Variants in FAF1 observed in about 807,000 individuals in gnomAD.
The protein encoded by FAF1 is Fas associated factor 1, also known as FAS-associated factor 1.
FAF1 carries 25 observed loss-of-function variants against 92.5 expected under a neutral mutation model. The ratio of observed to expected loss-of-function variants is 0.27; its 90% CI spans 0.20 to 0.38. The LOEUF (loss-of-function observed/expected upper bound fraction) is 0.38, where lower values mean the gene tolerates loss of function less well. Among genes scored for constraint, FAF1 ranks in the 10% least tolerant of loss-of-function variants. The probability of loss-of-function intolerance (pLI) is 1.00; values close to 1 mark genes in which losing one functional copy is unlikely to be tolerated. For missense variants in FAF1, 636 were observed against 793.3 expected (o/e 0.80, Z 2.38); for synonymous variants, 234 against 273.2 (o/e 0.86, Z 1.42).
At chr1:50,859,287 A>G (rs1644413879) in intron 1 of FAF1, among the ~76,000 whole-genome samples, 2 of 151,862 alleles carry the variant, frequency 1.3e-5, no homozygotes, top group South Asian at 4.1e-4. Flanking sequence ...AGAAAGAAAT[A>G]AAAGGCATCT....
rs775435416 is a variant in FAF1 at position 50,437,143 on chromosome 1, G to A, written c.*4297C>T. 9.2e-5 allele frequency: 14 copies of A among 152,198 alleles called. No homozygotes were observed. Among genetic ancestry groups the A allele is most frequent in the Non-Finnish European group, 1.9e-4 (13 of 68,034 alleles). 9.4% of individuals were successfully genotyped at this position (152,198 alleles called of 1,614,324 possible). A position where few individuals can be genotyped will look rare whatever the true frequency, so the allele number is the denominator to read the frequency against. On this transcript the variant is annotated 3_prime_UTR_variant, in exon 19 of 19. Coordinates refer to ENST00000396153, the MANE Select transcript of FAF1 (RefSeq NM_007051.3). ...TGTCACCTTCCAAAGCAGATTATTT[G>A]AGACAAGGACAAAATACTAAATGCA...
chr1:50,714,296 C>T (rs1026114818), intron 6 of FAF1, among the ~76,000 whole-genome samples: 8 of 147,544 alleles, frequency 5.4e-5, no homozygotes, highest in Non-Finnish European at 9.0e-5. Flanking sequence ...TGAGGTCAGA[C>T]GTTCAAAACC....
chr1:50,795,556 G>A (rs1444835140), intron 3 of FAF1, among the ~76,000 whole-genome samples: 2 of 152,126 alleles, frequency 1.3e-5, no homozygotes, highest in Non-Finnish European at 2.9e-5. Context: ...AAAGCTTGGG[G>A]GTCCTCCTTA....
chr1:50,817,935 G>A lies in FAF1; in HGVS notation c.115-16258C>T, dbSNP rs574543895. On this transcript the variant is annotated intron_variant, in intron 2 of 18. Coordinates refer to ENST00000396153, the MANE Select transcript of FAF1 (RefSeq NM_007051.3). Reference sequence around the variant, plus strand: ...CATATTCTGCAATAATAAAAGGCTCGAAAAAGGTAAATACTATATGATTCC... The same window carrying A: ...CATATTCTGCAATAATAAAAGGCTCAAAAAAGGTAAATACTATATGATTCC... Among the ~76,000 whole-genome samples, 26 of 151,998 alleles carry A rather than the reference G, an allele frequency of 1.7e-4. No individual in the cohort carries two copies. In the South Asian group the frequency reaches 2.1e-3, roughly 12 times the overall value.
intron 18 of FAF1, chr1:50,451,822 T>C (rs1478490102): frequency 2.0e-6 from 2 of 992,354 alleles, no homozygotes; most frequent in Non-Finnish European, 2.4e-6. Flanking sequence ...ATGGCAAATC[T>C]GGATTCTTCA....
At chr1:50,568,105 G>A (rs1650253768) in intron 12 of FAF1, among the ~76,000 whole-genome samples, 1 of 152,060 alleles carries the variant, frequency 6.6e-6, no homozygotes, top group Non-Finnish European at 1.5e-5. Flanking sequence ...TACCAACAAT[G>A]ACTATAATGA....
At chr1:50,919,588 A>G (rs1644946800) in intron 1 of FAF1, among the ~76,000 whole-genome samples, 1 of 151,800 alleles carries the variant, frequency 6.6e-6, no homozygotes, top group Non-Finnish European at 1.5e-5. Flanking sequence ...CCCGGGTTCA[A>G]GCGATTCTCC....
intron 8 of FAF1, among the ~76,000 whole-genome samples, chr1:50,653,584 G>A (rs550493815): frequency 1.3e-5 from 2 of 152,156 alleles, no homozygotes; most frequent in East Asian, 1.9e-4. Flanking sequence ...TCCTGACCTC[G>A]GCCAGGCACG....
intron 2 of FAF1, among the ~76,000 whole-genome samples, chr1:50,839,341 G>A (rs183401873): frequency 2.9e-4 from 44 of 152,110 alleles, no homozygotes; most frequent in Admixed American, 1.0e-3. Flanking sequence ...ACATACTCCC[G>A]CTAAAAATTC....
intron 17 of FAF1, among the ~76,000 whole-genome samples, chr1:50,476,456 A>T (rs1030121642): frequency 3.3e-5 from 5 of 152,196 alleles, no homozygotes; most frequent in African/African-American, 1.2e-4. Flanking sequence ...TAAGCAGGTG[A>T]AGCAAACTGT....
intron 6 of FAF1, among the ~76,000 whole-genome samples, chr1:50,720,391 T>TTA (rs1269365080): frequency 6.6e-6 from 1 of 152,230 alleles, no homozygotes; most frequent in Non-Finnish European, 1.5e-5. Context: ...AATCACAATG[T>TTA]ACTTGAAATA....
chr1:50,832,773 G>A (rs1364896348), intron 2 of FAF1, among the ~76,000 whole-genome samples: 20 of 151,910 alleles, frequency 1.3e-4, no homozygotes, highest in Admixed American at 1.3e-3. Flanking sequence ...TCCCCATGTG[G>A]GAAAATAACA....
At chr1:50,711,463 C>CT (rs1160668174) in intron 6 of FAF1, among the ~76,000 whole-genome samples, 3,071 of 81,940 alleles carry the variant, frequency 0.037, 152 homozygotes, top group Non-Finnish European at 0.047. Flanking sequence ...TCCACACTGA[C>CT]TTTTTTTTTT....
At chr1:50,551,945 T>A (rs1649326673) in intron 13 of FAF1, among the ~76,000 whole-genome samples, 3 of 152,206 alleles carry the variant, frequency 2.0e-5, no homozygotes, top group African/African-American at 4.8e-5. Flanking sequence ...AAATCAATCA[T>A]CCCATTTAGT....
chr1:50,576,908 C>A (rs1650772920), intron 12 of FAF1, among the ~76,000 whole-genome samples: 2 of 150,942 alleles, frequency 1.3e-5, no homozygotes, highest in Admixed American at 6.6e-5. Flanking sequence ...ATCAAACGAT[C>A]CTCCCACCTT....
At chr1:50,509,898 T>G (rs929918689) in intron 15 of FAF1, among the ~76,000 whole-genome samples, 4 of 151,904 alleles carry the variant, frequency 2.6e-5, no homozygotes, top group African/African-American at 9.7e-5. Context: ...CCAGGCACAG[T>G]GGCTCATGCC....
intron 7 of FAF1, among the ~76,000 whole-genome samples, chr1:50,685,685 A>G (rs2124378462): frequency 6.6e-6 from 1 of 152,340 alleles, no homozygotes; most frequent in East Asian, 1.9e-4. Context: ...GTACAAGTGT[A>G]CAGCTACTGA....
intron 4 of FAF1, among the ~76,000 whole-genome samples, chr1:50,753,321 C>T (rs919316531): frequency 6.6e-6 from 1 of 152,188 alleles, no homozygotes; most frequent in African/African-American, 2.4e-5. Flanking sequence ...TTTTCCATAT[C>T]ATTGCAGGTA....
At chr1:50,677,516 C>T (rs1038184032) in intron 7 of FAF1, among the ~76,000 whole-genome samples, 49 of 152,156 alleles carry the variant, frequency 3.2e-4, no homozygotes, top group African/African-American at 1.1e-3. Flanking sequence ...AAAGTAAACA[C>T]TGTGATGGAA....
Sources: gnomAD v4.1 joint callset for allele counts (sites outside exome capture counted in the v4.1 genomes callset) on GRCh38, gnomAD v4.1.1 for gene constraint, MANE v1.5 for transcripts, NCBI Gene and HGNC (gene_info 2026-07-23, HGNC 2026-07-21) for gene names.